The following MMS22L variants were observed in gnomAD, a reference collection of about 807,000 sequenced individuals.
MMS22L encodes the protein protein MMS22-like.
A neutral mutation model predicts 159.1 loss-of-function variants in MMS22L; 74 were observed. The observed-to-expected ratio is 0.47, with a 90% CI of 0.39 to 0.56. The LOEUF is 0.56. MMS22L is among the 20% of genes least tolerant of loss of function. The pLI is 0.00. For missense variants in MMS22L, 1,351 were observed against 1,422.1 expected, an observed-to-expected ratio of 0.95 and a Z score of 0.80; for synonymous variants, 517 against 506.9, an observed-to-expected ratio of 1.02 and a Z score of -0.27.
intron 14 of MMS22L, among the ~76,000 whole-genome samples, chr6:97,211,646 T>C (rs570576399): frequency 2.0e-5 from 3 of 152,256 alleles, no homozygotes; most frequent in East Asian, 1.9e-4. Flanking sequence ...TTTTTTCATA[T>C]TAAAATATTC....
At chr6:97,160,853 C>T (rs1424101127) in intron 22 of MMS22L, among the ~76,000 whole-genome samples, 3 of 151,814 alleles carry the variant, frequency 2.0e-5, no homozygotes, top group African/African-American at 7.3e-5. Flanking sequence ...TTTGCTAATT[C>T]TTTCTTCTGC....
chr6:97,207,694 A>T (rs1807930708), intron 14 of MMS22L, among the ~76,000 whole-genome samples: 1 of 152,098 alleles, frequency 6.6e-6, no homozygotes, highest in African/African-American at 2.4e-5. Context: ...AAAAAATAAG[A>T]CCTTCTCTTA....
chr6:97,196,981 G>A lies in MMS22L; in HGVS notation c.2040-10291C>T, dbSNP rs148959813. Among the ~76,000 whole-genome samples the A allele has an allele frequency of 2.6e-3, 394 of 152,086 alleles. 1 individual carries two copies. Among genetic ancestry groups the A allele is most frequent in the African/African-American group, 9.1e-3 (379 of 41,504 alleles). ...ATGGGCAGAGCTACCCATAAGCTTC[G>A]GTGCTGACCCATAAGCATCAGCTTC... On this transcript the variant is annotated intron_variant, in intron 14 of 24. Transcript: ENST00000683635.
In MMS22L at chr6:97,150,699, AATAAACT is replaced by A. The variant is rs567171178; in HGVS notation, c.3483-686_3483-680del. ...ATTGTTACTGACTGATCACAATTTAAATAAACTATAAACACTTGACAGGCACTAATTA... is the reference window on the plus strand; with the variant it reads ...ATTGTTACTGACTGATCACAATTTAAATAAACACTTGACAGGCACTAATTA... On this transcript the variant is annotated intron_variant, in intron 23 of 24. Coordinates refer to ENST00000683635, the MANE Select transcript of MMS22L (RefSeq NM_001350599.2). Among the ~76,000 whole-genome samples, 119 of 152,298 alleles carry A rather than the reference AATAAACT, an allele frequency of 7.8e-4. 1 individual carries two copies. The highest frequency in any genetic ancestry group is 3.4e-3 in the Middle Eastern group (1 of 294).
chr6:97,219,024 AACTC>A (rs892858767), intron 14 of MMS22L, among the ~76,000 whole-genome samples: 1 of 152,158 alleles, frequency 6.6e-6, no homozygotes, highest in Non-Finnish European at 1.5e-5. Flanking sequence ...ATCTCGTGAG[AACTC>A]ACTCAATACT....
chr6:97,273,994 C>G (rs1039978475), intron 4 of MMS22L, among the ~76,000 whole-genome samples: 3 of 152,124 alleles, frequency 2.0e-5, no homozygotes, highest in Non-Finnish European at 1.5e-5. Flanking sequence ...AAGCTCTGAA[C>G]GACCTTTTAA....
intron 9 of MMS22L, among the ~76,000 whole-genome samples, chr6:97,262,399 C>G (rs1026994022): frequency 6.6e-6 from 1 of 151,970 alleles, no homozygotes; most frequent in Non-Finnish European, 1.5e-5. Context: ...AATCCTAGCA[C>G]TTTGGGAGGC....
At chr6:97,197,135 G>C (rs1806613339) in intron 14 of MMS22L, among the ~76,000 whole-genome samples, 1 of 152,136 alleles carries the variant, frequency 6.6e-6, no homozygotes, top group African/African-American at 2.4e-5. Flanking sequence ...CAAGGAAATG[G>C]TTGAGGGTAA....
chr6:97,205,693 G>C (rs1410550703), intron 14 of MMS22L, among the ~76,000 whole-genome samples: 1 of 152,130 alleles, frequency 6.6e-6, no homozygotes, highest in Non-Finnish European at 1.5e-5. Context: ...GCACAAAACA[G>C]TTTTAAGAAT....
In MMS22L at chr6:97,181,954, G is replaced by A. The variant is rs753961180; in HGVS notation, c.2334C>T (p.Ile778=). The change falls in exon 16 of 25, where the codon ATC becomes ATT. Residue 778 remains isoleucine, a synonymous_variant. Transcript: ENST00000683635. The part of the protein sequence containing the change: ...SIIQLFGWDD[I]ICPQVVARYL... Reference sequence around the variant, plus strand: ...ATCTTGCTACAACTTGAGGGCAGATGATATCATCCCAACCAAAAAGTTGAA... The same window carrying A: ...ATCTTGCTACAACTTGAGGGCAGATAATATCATCCCAACCAAAAAGTTGAA... 6.2e-7 allele frequency: 1 copy of A among 1,613,714 alleles called. No individual in the cohort carries two copies. The highest frequency in any genetic ancestry group is 1.1e-5 in the South Asian group (1 of 91,012).
intron 14 of MMS22L, among the ~76,000 whole-genome samples, chr6:97,195,803 T>G (rs1289343061): frequency 2.6e-5 from 4 of 152,142 alleles, no homozygotes; most frequent in Admixed American, 6.5e-5. Flanking sequence ...TGACTAAAGA[T>G]AAAAGAAACT....
intron 18 of MMS22L, among the ~76,000 whole-genome samples, chr6:97,176,078 C>T (rs947208337): frequency 6.6e-6 from 1 of 152,092 alleles, no homozygotes; most frequent in Non-Finnish European, 1.5e-5. Flanking sequence ...AGAGTCAAAA[C>T]GTAATAAAAT....
rs1800930257 is a variant in MMS22L, at chr6:97,146,444, A to G, written c.*362T>C. 6.4e-6 allele frequency: 1 copy of G among 157,386 alleles called. No homozygotes were observed. Among genetic ancestry groups the G allele is most frequent in the Non-Finnish European group, 1.4e-5 (1 of 71,644 alleles). The allele number at this position is 157,386 out of a possible 1,614,324, so 9.7% of individuals were successfully genotyped here. On this transcript the variant is annotated 3_prime_UTR_variant, in exon 25 of 25. Transcript: ENST00000683635. The stretch of plus-strand genomic sequence containing the variant: ...TAAAAATAAAAAATAAACATGACAA[A>G]TCAGTCACAAGGCAGGGAGGCAGGA...
chr6:97,172,956 T>C, intron 19 of MMS22L, 107 bp downstream of exon 19: 3 of 1,036,212 alleles, frequency 2.9e-6, no homozygotes, highest in South Asian at 1.9e-5. Flanking sequence ...ATTACTCTTA[T>C]GATTGTATGG....
At chr6:97,245,890 C>CAT in intron 11 of MMS22L, 1 of 121,172 alleles carries the variant, frequency 8.3e-6, no homozygotes, top group Middle Eastern at 2.9e-3. Context: ...CACACACACA[C>CAT]ATATAAAGCA....
rs1040952206 is a variant in MMS22L, at chr6:97,143,923, T to C, written c.*2883A>G. Reference sequence around the variant, plus strand: ...GGTGAAACCCCGTCTCTACTAAAAATACAAAAAAAATTAGCCGGGCGTGGT... The same window carrying C: ...GGTGAAACCCCGTCTCTACTAAAAACACAAAAAAAATTAGCCGGGCGTGGT... On this transcript the variant is annotated 3_prime_UTR_variant, in exon 25 of 25. Transcript: ENST00000683635. The C allele has an allele frequency of 4.0e-5, 6 of 151,132 alleles. No individual in the cohort carries two copies. The highest frequency in any genetic ancestry group is 1.5e-4 in the African/African-American group (6 of 41,164). The allele number at this position is 151,132 out of a possible 1,614,324, so 9.4% of individuals were successfully genotyped here.
chr6:97,237,235 C>A (rs970039136), intron 11 of MMS22L, among the ~76,000 whole-genome samples: 2 of 152,032 alleles, frequency 1.3e-5, no homozygotes, highest in African/African-American at 4.8e-5. Flanking sequence ...AAGGACAGTT[C>A]GATTATACCC....
intron 14 of MMS22L, among the ~76,000 whole-genome samples, chr6:97,219,511 T>C (rs1202886287): frequency 6.6e-6 from 1 of 152,118 alleles, no homozygotes; most frequent in Non-Finnish European, 1.5e-5. Flanking sequence ...TATTCACTAA[T>C]TTAAACTGTC....
chr6:97,184,615 G>A (rs565949273), intron 15 of MMS22L, among the ~76,000 whole-genome samples: 3 of 152,038 alleles, frequency 2.0e-5, no homozygotes, highest in South Asian at 2.1e-4. Flanking sequence ...TTTGGTTACC[G>A]TATCTTACCC....
Sources: allele counts gnomAD v4.1 joint callset (sites outside exome capture counted in the v4.1 genomes callset), GRCh38; gene constraint gnomAD v4.1.1; transcripts MANE v1.5; gene names NCBI Gene and HGNC (gene_info 2026-07-23, HGNC 2026-07-21).